The following LEKR1 variants were observed in gnomAD, a reference collection of about 807,000 sequenced individuals.
LEKR1 encodes the protein leucine, glutamate and lysine rich 1, also known as protein LEKR1.
A neutral mutation model predicts 72.4 loss-of-function variants in LEKR1; 59 were observed. That is an observed-to-expected ratio of 0.82 (90% CI 0.66 to 1.01). The LOEUF is 1.01. Among genes scored for constraint, LEKR1 ranks in the 50% least tolerant of loss-of-function variants. The pLI is 0.00. For synonymous variants in LEKR1, 257 were observed against 263.2 expected, an observed-to-expected ratio of 0.98 and a Z score of 0.23; for missense variants, 728 against 759.2, an observed-to-expected ratio of 0.96 and a Z score of 0.48.
intron 6 of LEKR1, among the ~76,000 whole-genome samples, chr3:156,945,126 T>C (rs1726567097): frequency 6.6e-6 from 1 of 151,740 alleles, no homozygotes; most frequent in Non-Finnish European, 1.5e-5. Flanking sequence ...GAGGTGAGAT[T>C]ATATCTCAGT....
At chr3:156,910,129 G>A (rs1315843835) in intron 3 of LEKR1, among the ~76,000 whole-genome samples, 1 of 152,128 alleles carries the variant, frequency 6.6e-6, no homozygotes, top group African/African-American at 2.4e-5. Context: ...TCCCAATTAG[G>A]CAGAGGTTTT....
chr3:156,877,330 G>A (rs1718724327), intron 3 of LEKR1, among the ~76,000 whole-genome samples: 1 of 151,892 alleles, frequency 6.6e-6, no homozygotes, highest in Non-Finnish European at 1.5e-5. Context: ...GGAGATACTG[G>A]TTTCATAGAA....
chr3:157,007,331 G>C (rs936931724), intron 9 of LEKR1, among the ~76,000 whole-genome samples: 27 of 152,332 alleles, frequency 1.8e-4, no homozygotes, highest in African/African-American at 6.3e-4. Flanking sequence ...TAGCTCTTCA[G>C]ATGTGGCCAA....
At chr3:156,915,109 A>G (rs1039477954) in intron 3 of LEKR1, among the ~76,000 whole-genome samples, 3 of 152,138 alleles carry the variant, frequency 2.0e-5, no homozygotes, top group Non-Finnish European at 4.4e-5. Context: ...GTTCCTGCAA[A>G]GGACATGATC....
At chr3:156,967,493 G>A (rs145755567) in intron 6 of LEKR1, among the ~76,000 whole-genome samples, 2,453 of 152,306 alleles carry the variant, frequency 0.016, 55 homozygotes, top group African/African-American at 0.057. Context: ...AGCCTCATTA[G>A]CCGATTTGAT....
chr3:156,993,752 G>T (rs1731325576), intron 9 of LEKR1, among the ~76,000 whole-genome samples: 1 of 152,132 alleles, frequency 6.6e-6, no homozygotes, highest in Non-Finnish European at 1.5e-5. Flanking sequence ...TCCTTAGGTG[G>T]TATCGAGGAT....
chr3:156,885,148 T>A (rs1719917160), intron 3 of LEKR1, among the ~76,000 whole-genome samples: 2 of 152,206 alleles, frequency 1.3e-5, no homozygotes, highest in Admixed American at 1.3e-4. Context: ...TTTTTCTTTA[T>A]GATACCTATT....
chr3:156,982,470 C>T (rs548428233), intron 7 of LEKR1, among the ~76,000 whole-genome samples: 1 of 152,102 alleles, frequency 6.6e-6, no homozygotes, highest in Non-Finnish European at 1.5e-5. Context: ...TGTCTAGAAC[C>T]CTTTACATAT....
At chr3:156,836,929 A>C (rs1349467408) in intron 2 of LEKR1, among the ~76,000 whole-genome samples, 3 of 152,244 alleles carry the variant, frequency 2.0e-5, no homozygotes, top group Non-Finnish European at 4.4e-5. Context: ...AGCTGCCATT[A>C]GTCTTCCAGG....
chr3:156,864,506 A>G (rs1439545618), intron 3 of LEKR1, among the ~76,000 whole-genome samples: 1 of 152,074 alleles, frequency 6.6e-6, no homozygotes, highest in African/African-American at 2.4e-5. Flanking sequence ...AAACTGAGGC[A>G]TCTTCCAGAT....
chr3:157,000,288 CTG>C (rs1306052713), intron 9 of LEKR1, among the ~76,000 whole-genome samples: 1 of 151,964 alleles, frequency 6.6e-6, no homozygotes, highest in African/African-American at 2.4e-5. Flanking sequence ...AAAATGTAAA[CTG>C]TTTACTTATT....
intron 3 of LEKR1, among the ~76,000 whole-genome samples, chr3:156,861,480 G>A (rs1716757497): frequency 6.6e-6 from 1 of 151,984 alleles, no homozygotes; most frequent in South Asian, 2.1e-4. Flanking sequence ...TCAATCTCTG[G>A]GGCCTTTTCA....
chr3:156,912,959 T>G (rs1318798388), intron 3 of LEKR1, among the ~76,000 whole-genome samples: 1 of 152,190 alleles, frequency 6.6e-6, no homozygotes, highest in Admixed American at 6.5e-5. Flanking sequence ...TGGCTCATAG[T>G]GTAGGCTGCA....
chr3:156,847,773 AT>A (rs1714813315), intron 2 of LEKR1, among the ~76,000 whole-genome samples: 1 of 152,172 alleles, frequency 6.6e-6, no homozygotes, highest in South Asian at 2.1e-4. Flanking sequence ...TGGACCTATT[AT>A]TTTAAAATCA....
At chr3:157,017,545 TAG>T (rs1196209179) in intron 10 of LEKR1, 2 of 152,116 alleles carry the variant, frequency 1.3e-5, no homozygotes, top group African/African-American at 4.8e-5. Flanking sequence ...GGTATACGAG[TAG>T]CTGTGCTCCT....
Position 157,024,823 on chromosome 3 carries a change from CTCTT to C in LEKR1, c.1269_1272del (p.Phe424ArgfsTer18). ...GGTTGAATTTGAAGAGCAAGCTCTT[CTCTT>C]TAAGGAAGAAACAAAATTGCAACTT... On this transcript the variant is annotated frameshift_variant, in exon 11 of 13. Transcript: ENST00000356539. LOFTEE classifies it high-confidence loss of function. The C allele has an allele frequency of 6.2e-7, 1 of 1,612,248 alleles. No individual in the cohort carries two copies. Among genetic ancestry groups the C allele is most frequent in the Non-Finnish European group, 8.5e-7 (1 of 1,179,206 alleles).
At chr3:156,992,230 C>A (rs55813138) in intron 7 of LEKR1, among the ~76,000 whole-genome samples, 1,746 of 152,284 alleles carry the variant, frequency 0.011, 37 homozygotes, top group African/African-American at 0.04. Flanking sequence ...GAAAGACTGA[C>A]GATTTCTCTA....
At chr3:157,045,075 T>C (rs1258918699) in intron 12 of LEKR1, among the ~76,000 whole-genome samples, 1 of 152,186 alleles carries the variant, frequency 6.6e-6, no homozygotes, top group Non-Finnish European at 1.5e-5. Context: ...TGAGTAACCC[T>C]GGACAGGTCA....
Position 157,006,222 on chromosome 3 carries a change from G to A in LEKR1, c.1110-5191G>A, listed in dbSNP as rs1732422336. ...GGGTTTCACCTTGTTAGCCAGGATG[G>A]TCTCGATCTCCTGACCTCATGATCC... On this transcript the variant is annotated intron_variant, in intron 9 of 12. Coordinates refer to ENST00000356539, the MANE Select transcript of LEKR1 (RefSeq NM_001004316.3). 2.7e-5 allele frequency among the ~76,000 whole-genome samples: 4 copies of A among 150,412 alleles called. No individual in the cohort carries two copies. The South Asian group carries it at 8.4e-4, about 32-fold the overall frequency.
Sources: allele counts gnomAD v4.1 joint callset (sites outside exome capture counted in the v4.1 genomes callset), GRCh38; gene constraint gnomAD v4.1.1; transcripts MANE v1.5; gene names NCBI Gene and HGNC (gene_info 2026-07-23, HGNC 2026-07-21).